DGKI: variants seen among roughly 807,000 people sequenced by gnomAD.
DGKI encodes the protein diacylglycerol kinase iota, also known as DAG kinase iota.
A neutral mutation model predicts 147.5 loss-of-function variants in DGKI; 55 were observed. The ratio of observed to expected loss-of-function variants is 0.37; its 90% CI spans 0.30 to 0.47. The LOEUF is 0.47. Among genes scored for constraint, DGKI ranks in the 20% least tolerant of loss-of-function variants. The probability of loss-of-function intolerance (pLI) is 1.00; values close to 1 mark genes in which losing one functional copy is unlikely to be tolerated. For missense variants in DGKI, 1,007 were observed against 1,323.8 expected (o/e 0.76, Z 3.71); for synonymous variants, 469 against 477.1 (o/e 0.98, Z 0.22).
rs138936457 is a variant in DGKI, at chr7:137,488,971, C to T, written c.2249-1282G>A. Among the ~76,000 whole-genome samples, 723 of 152,146 alleles carry T rather than the reference C, an allele frequency of 4.8e-3. 3 individuals are homozygous for T. The highest frequency in any genetic ancestry group is 7.1e-3 in the Non-Finnish European group (483 of 68,000). ...CTGAAGAACATGAAGCCTCACTTGA[C>T]GTTTTAGCTAGAGGAGTAAAGGTGG... On this transcript the variant is annotated intron_variant, in intron 21 of 32. Coordinates refer to ENST00000614521, the MANE Select transcript of DGKI (RefSeq NM_001321708.2).
chr7:137,659,926 C>G (rs1008973256), intron 3 of DGKI, among the ~76,000 whole-genome samples: 4 of 152,248 alleles, frequency 2.6e-5, no homozygotes, highest in African/African-American at 9.6e-5. Flanking sequence ...GAGCGAGACT[C>G]CATCTCAAAA....
At chr7:137,557,402 A>G (rs1036362230) in intron 19 of DGKI, among the ~76,000 whole-genome samples, 9 of 152,188 alleles carry the variant, frequency 5.9e-5, no homozygotes, top group Non-Finnish European at 2.9e-5. Context: ...GAATAACAGA[A>G]CAGAATAGAC....
chr7:137,478,180 T>C (rs12707360), intron 23 of DGKI, among the ~76,000 whole-genome samples: 4 of 151,972 alleles, frequency 2.6e-5, no homozygotes, highest in Admixed American at 1.3e-4. Flanking sequence ...ATAGCTTATA[T>C]AAGTCAAGAG....
chr7:137,634,209 T>C (rs1289523805), intron 6 of DGKI, among the ~76,000 whole-genome samples: 2 of 152,206 alleles, frequency 1.3e-5, no homozygotes, highest in Non-Finnish European at 2.9e-5. Context: ...ATGTGATCCA[T>C]TTATTGGATG....
intron 1 of DGKI, among the ~76,000 whole-genome samples, chr7:137,830,673 G>C (rs77519427): frequency 0.016 from 2,408 of 152,268 alleles, 49 homozygotes; most frequent in African/African-American, 0.055. Flanking sequence ...AGAAACAAGA[G>C]CTGAAGAGGC....
At chr7:137,472,360 ATAC>A (rs1814991528) in intron 23 of DGKI, among the ~76,000 whole-genome samples, 2 of 117,808 alleles carry the variant, frequency 1.7e-5, no homozygotes, top group African/African-American at 4.0e-5. Context: ...ATATGTATAT[ATAC>A]ATATAATTAT....
At chr7:137,769,329 G>T (rs181115249) in intron 1 of DGKI, among the ~76,000 whole-genome samples, 494 of 152,294 alleles carry the variant, frequency 3.2e-3, no homozygotes, top group Non-Finnish European at 5.6e-3. Context: ...AAAGCTATCT[G>T]AGTCAAAGAA....
chr7:137,605,375 T>A (rs981247101), intron 10 of DGKI, among the ~76,000 whole-genome samples: 1 of 146,010 alleles, frequency 6.8e-6, no homozygotes, highest in Non-Finnish European at 1.5e-5. Context: ...TAAAATAAAA[T>A]AAAAAAAGTT....
intron 21 of DGKI, among the ~76,000 whole-genome samples, chr7:137,504,466 G>T (rs2128944175): frequency 6.6e-6 from 1 of 152,184 alleles, no homozygotes; most frequent in East Asian, 1.9e-4. Context: ...ATGAATTGTG[G>T]AGGCTTTTTA....
chr7:137,651,096 A>C (rs1474876485), intron 5 of DGKI, among the ~76,000 whole-genome samples: 2 of 152,182 alleles, frequency 1.3e-5, no homozygotes, highest in Non-Finnish European at 2.9e-5. Flanking sequence ...AGCCAGGGAA[A>C]ATTATATTAG....
At chr7:137,769,176 G>A (rs1249271502) in intron 1 of DGKI, among the ~76,000 whole-genome samples, 12 of 152,168 alleles carry the variant, frequency 7.9e-5, no homozygotes, top group Non-Finnish European at 1.0e-4. Context: ...AGGGAGACAC[G>A]GGAGAAAATG....
At chr7:137,792,997 T>A (rs1205063911) in intron 1 of DGKI, among the ~76,000 whole-genome samples, 1 of 152,210 alleles carries the variant, frequency 6.6e-6, no homozygotes, top group Non-Finnish European at 1.5e-5. Flanking sequence ...AAGCATTCAC[T>A]CATTTAATTC....
chr7:137,741,951 A>T (rs1435404720), intron 1 of DGKI, among the ~76,000 whole-genome samples: 1 of 152,238 alleles, frequency 6.6e-6, no homozygotes, highest in African/African-American at 2.4e-5. Flanking sequence ...ACTTAAAAAA[A>T]TTCCTGTCAA....
intron 28 of DGKI, among the ~76,000 whole-genome samples, chr7:137,427,304 G>C (rs1007575783): frequency 2.2e-4 from 34 of 152,034 alleles, no homozygotes; most frequent in Non-Finnish European, 4.6e-4. Flanking sequence ...ATGACTACTG[G>C]GTACATAAGG....
chr7:137,479,287 A>G (rs1257738243), intron 23 of DGKI, among the ~76,000 whole-genome samples: 2 of 152,202 alleles, frequency 1.3e-5, no homozygotes. Flanking sequence ...CTTTAAATGA[A>G]TAATATTAGC....
At chr7:137,650,605 G>C (rs1014486356) in intron 5 of DGKI, among the ~76,000 whole-genome samples, 2 of 152,114 alleles carry the variant, frequency 1.3e-5, no homozygotes, top group Non-Finnish European at 2.9e-5. Flanking sequence ...CCTTATAAAA[G>C]AGACCACAGA....
intron 28 of DGKI, among the ~76,000 whole-genome samples, chr7:137,426,068 G>A (rs1241788709): frequency 3.9e-5 from 6 of 152,084 alleles, no homozygotes; most frequent in East Asian, 3.9e-4. Flanking sequence ...GATACTCCTC[G>A]AGAAGAGCAA....
In DGKI at chr7:137,395,846, G is replaced by A. The variant is rs189164373; in HGVS notation, c.2958-149C>T. 5.2e-4 allele frequency: 313 copies of A among 600,598 alleles called. 1 individual carries two copies. The African/African-American group carries it at 5.3e-3, about 10-fold the overall frequency. 37.2% of individuals were successfully genotyped at this position (600,598 alleles called of 1,614,324 possible). A position where few individuals can be genotyped will look rare whatever the true frequency, so the allele number is the denominator to read the frequency against. On this transcript the variant is annotated intron_variant, in intron 31 of 32. Transcript: ENST00000614521. ...GTAGGGTACATTCTGGGGAGGTAGG[G>A]AAGGGGATTTCTAAAAATTCCTTGA...
chr7:137,619,995 A>C, intron 7 of DGKI, 55 bp from the exon 8 acceptor site: 2 of 1,112,612 alleles, frequency 1.8e-6, no homozygotes, highest in Non-Finnish European at 2.7e-6. Context: ...ATGCTGCAGC[A>C]AGAAGGGATA....
Sources: allele counts gnomAD v4.1 joint callset (sites outside exome capture counted in the v4.1 genomes callset), GRCh38; gene constraint gnomAD v4.1.1; transcripts MANE v1.5; gene names NCBI Gene and HGNC (gene_info 2026-07-23, HGNC 2026-07-21).